CDC123: variants seen among roughly 807,000 people sequenced by gnomAD.
CDC123 encodes cell division cycle 123, also known as translation initiation factor eIF2 assembly protein.
In CDC123, 37 loss-of-function variants were observed where a neutral mutation model predicts 54.4. That is an observed-to-expected ratio of 0.68 (90% confidence interval 0.52 to 0.89). The LOEUF is 0.89. Among genes scored for constraint, CDC123 ranks in the 40% least tolerant of loss-of-function variants. CDC123 has a pLI of 0.00. For missense variants in CDC123, 361 were observed against 412.1 expected (o/e 0.88, Z 1.07); for synonymous variants, 144 against 136.8 (o/e 1.05, Z -0.37).
chr10:12,242,631 G>A (rs147388251), intron 10 of CDC123, among the ~76,000 whole-genome samples: 104 of 152,274 alleles, frequency 6.8e-4, no homozygotes, highest in Admixed American at 2.9e-3. Context: ...GGCTGTTTGT[G>A]CTTGAGATGT....
intron 1 of CDC123, among the ~76,000 whole-genome samples, chr10:12,196,736 T>G (rs551550615): frequency 6.6e-6 from 1 of 152,200 alleles, no homozygotes; most frequent in Non-Finnish European, 1.5e-5. Context: ...TTCACAGATA[T>G]GTCGTACAGC....
chr10:12,220,932 G>A (rs556023234), intron 6 of CDC123, among the ~76,000 whole-genome samples: 5 of 151,610 alleles, frequency 3.3e-5, no homozygotes, highest in Admixed American at 6.6e-5. Flanking sequence ...AGCTGAGATC[G>A]CGCCACTGCA....
At chr10:12,224,438 CT>C (rs930126574) in intron 6 of CDC123, among the ~76,000 whole-genome samples, 17 of 150,812 alleles carry the variant, frequency 1.1e-4, no homozygotes, top group African/African-American at 3.7e-4. Flanking sequence ...TGGGATTTTG[CT>C]TTTTTTTTCT....
At chr10:12,202,085 G>A (rs1835447663) in intron 2 of CDC123, among the ~76,000 whole-genome samples, 1 of 152,120 alleles carries the variant, frequency 6.6e-6, no homozygotes, top group Non-Finnish European at 1.5e-5. Flanking sequence ...TTTAGGTTAG[G>A]TTACTTCTAC....
chr10:12,238,663 C>T (rs926290939), intron 10 of CDC123, among the ~76,000 whole-genome samples, 178 bp downstream of exon 10: 1 of 151,720 alleles, frequency 6.6e-6, no homozygotes, highest in African/African-American at 2.4e-5. Context: ...ATCATTTGAG[C>T]TCAGGAGTTC....
chr10:12,218,704 G>T (rs1160910710), intron 6 of CDC123, among the ~76,000 whole-genome samples: 2 of 152,144 alleles, frequency 1.3e-5, no homozygotes, highest in African/African-American at 4.8e-5. Context: ...GAATATCCTT[G>T]AGCTAACTCT....
chr10:12,196,405 A>C (rs2131725770), intron 1 of CDC123, 86 bp downstream of exon 1: 1 of 1,568,206 alleles, frequency 6.4e-7, no homozygotes, highest in East Asian at 2.2e-5. Flanking sequence ...AAAAAAATGC[A>C]GGCCTTCTAG....
intron 6 of CDC123, among the ~76,000 whole-genome samples, chr10:12,225,447 T>A (rs999177943): frequency 6.6e-6 from 1 of 152,174 alleles, no homozygotes; most frequent in Non-Finnish European, 1.5e-5. Context: ...AGTCCCCATC[T>A]TGGACACTTT....
At chr10:12,196,683 G>A (rs945017899) in intron 1 of CDC123, among the ~76,000 whole-genome samples, 1 of 152,198 alleles carries the variant, frequency 6.6e-6, no homozygotes, top group Non-Finnish European at 1.5e-5. Flanking sequence ...TGGAGATTGG[G>A]AAGGTGAAAG....
Position 12,249,447 on chromosome 10 carries a change from C to T in CDC123, c.847-134C>T, listed in dbSNP as rs1401991537. On this transcript the variant is annotated intron_variant, in intron 11 of 12. Coordinates refer to ENST00000281141, the MANE Select transcript of CDC123 (RefSeq NM_006023.3). ...CGTGCCCGGCTCATTTTAACTTAAG[C>T]ATCTTCCTTTCTCCTCATCAAGTAC... 4.4e-6 allele frequency: 4 copies of T among 904,566 alleles called. No homozygotes were observed. The East Asian group carries it at 1.1e-4, about 24-fold the overall frequency. 56.0% of individuals were successfully genotyped at this position (904,566 alleles called of 1,614,324 possible).
chr10:12,223,859 T>C (rs1360014649), intron 6 of CDC123, among the ~76,000 whole-genome samples: 1 of 152,218 alleles, frequency 6.6e-6, no homozygotes, highest in Non-Finnish European at 1.5e-5. Context: ...TATTTCCCCC[T>C]GTATTTTTAT....
At chr10:12,244,439 G>T (rs1836101164) in intron 10 of CDC123, among the ~76,000 whole-genome samples, 1 of 152,162 alleles carries the variant, frequency 6.6e-6, no homozygotes, top group Non-Finnish European at 1.5e-5. Flanking sequence ...CGTCATTCCT[G>T]GCGGCGCAGC....
chr10:12,216,605 C>T lies in CDC123; in HGVS notation c.334-756C>T, dbSNP rs546083157. 3.3e-5 allele frequency among the ~76,000 whole-genome samples: 5 copies of T among 152,246 alleles called. No homozygotes were observed. In the South Asian group the frequency reaches 1.0e-3, roughly 32 times the overall value. ...TATTTTACTTCACCATTTCCTACTC[C>T]CCAGAGGTAGCTGTTTTCAAATATT... On this transcript the variant is annotated intron_variant, in intron 5 of 12. Transcript: ENST00000281141.
In CDC123 at chr10:12,249,631, C is replaced by T; in HGVS notation, c.897C>T (p.Ser299=). The T allele has an allele frequency of 1.9e-6, 3 of 1,614,182 alleles. No homozygotes were observed. Among genetic ancestry groups the T allele is most frequent in the Non-Finnish European group, 2.5e-6 (3 of 1,180,024 alleles). The change falls in exon 12 of 13, where the codon AGC becomes AGT. Residue 299 remains serine, a synonymous_variant. Coordinates refer to ENST00000281141, the MANE Select transcript of CDC123 (RefSeq NM_006023.3). ...CTNSEVTVQP[S]PYLSYRLPKD... ...ACAGTGAAGTGACAGTCCAGCCCAG[C>T]CCCTATTTGAGTTACCGGCTACCCA... is the stretch of plus-strand genomic sequence containing the variant.
chr10:12,236,101 A>G (rs192728005), intron 8 of CDC123, among the ~76,000 whole-genome samples: 3 of 152,378 alleles, frequency 2.0e-5, no homozygotes, highest in Admixed American at 6.5e-5. Flanking sequence ...GCAATACAGT[A>G]TGAATATGGC....
intron 6 of CDC123, among the ~76,000 whole-genome samples, chr10:12,226,331 A>G (rs1373436528): frequency 6.9e-6 from 1 of 144,694 alleles, no homozygotes; most frequent in Non-Finnish European, 1.5e-5. Context: ...TCCCTCCTGG[A>G]CGGGGCGGCT....
intron 6 of CDC123, among the ~76,000 whole-genome samples, chr10:12,222,776 T>C (rs577412210): frequency 1.3e-5 from 2 of 152,328 alleles, no homozygotes; most frequent in East Asian, 3.9e-4. Flanking sequence ...TTTTTCAAGA[T>C]AGAGTCTCAC....
Position 12,231,034 on chromosome 10 carries a change from A to T in CDC123, c.489+38A>T, listed in dbSNP as rs772797810. The T allele has an allele frequency of 5.2e-5, 79 of 1,531,130 alleles. 1 individual carries two copies. Among genetic ancestry groups the T allele is most frequent in the Non-Finnish European group, 6.7e-5 (75 of 1,116,044 alleles). 94.8% of individuals were successfully genotyped at this position (1,531,130 alleles called of 1,614,324 possible). Reference sequence around the variant, plus strand: ...TTTTCTTTGATAATTGTAGATGAAGATGTGTTGAGAATTGCTATTTATTCT... The same window carrying T: ...TTTTCTTTGATAATTGTAGATGAAGTTGTGTTGAGAATTGCTATTTATTCT... On this transcript the variant is annotated intron_variant, in intron 7 of 12. Coordinates refer to ENST00000281141, the MANE Select transcript of CDC123 (RefSeq NM_006023.3).
At chr10:12,226,354 G>C (rs988867519) in intron 6 of CDC123, among the ~76,000 whole-genome samples, 1 of 148,928 alleles carries the variant, frequency 6.7e-6, no homozygotes, top group Non-Finnish European at 1.5e-5. Context: ...CCGGGCGGGG[G>C]CTGCCCCCCA....
Sources: allele counts gnomAD v4.1 joint callset (sites outside exome capture counted in the v4.1 genomes callset), GRCh38; gene constraint gnomAD v4.1.1; transcripts MANE v1.5; gene names NCBI Gene and HGNC (gene_info 2026-07-23, HGNC 2026-07-21).